Variants in SPAG16 observed in about 807,000 individuals in gnomAD.
SPAG16 encodes the protein sperm-associated antigen 16 protein.
Under a neutral mutation model 80.4 loss-of-function variants are expected in SPAG16, and 86 were observed. The observed-to-expected ratio is 1.07, with a 90% CI of 0.90 to 1.28. The LOEUF is 1.28. SPAG16 is among the 50% of genes most tolerant of loss of function. The pLI, the probability that SPAG16 is intolerant of heterozygous loss-of-function variation, is 0.00. For synonymous variants in SPAG16, 294 were observed against 265.9 expected, an observed-to-expected ratio of 1.11 and a Z score of -1.03; for missense variants, 870 against 765.3, an observed-to-expected ratio of 1.14 and a Z score of -1.61.
intron 4 of SPAG16, among the ~76,000 whole-genome samples, chr2:213,314,868 C>A (rs1023963145): frequency 6.6e-6 from 1 of 151,744 alleles, no homozygotes; most frequent in Non-Finnish European, 1.5e-5. Context: ...ATTTATGATT[C>A]AATTGATACC....
At chr2:213,368,130 C>T (rs2066418994) in intron 8 of SPAG16, among the ~76,000 whole-genome samples, 1 of 151,996 alleles carries the variant, frequency 6.6e-6, no homozygotes, top group Non-Finnish European at 1.5e-5. Flanking sequence ...GGGCTCTGTT[C>T]TGTTCCATTG....
intron 7 of SPAG16, among the ~76,000 whole-genome samples, chr2:213,359,238 C>T (rs1026592792): frequency 1.3e-5 from 2 of 152,174 alleles, no homozygotes; most frequent in African/African-American, 4.8e-5. Flanking sequence ...GATCAGGGAC[C>T]CACTTGAGGA....
intron 13 of SPAG16, among the ~76,000 whole-genome samples, chr2:214,086,864 A>G (rs2051802309): frequency 6.6e-6 from 1 of 152,182 alleles, no homozygotes; most frequent in African/African-American, 2.4e-5. Context: ...ATGAGAAAAA[A>G]TAAAGTTACT....
At chr2:213,584,449 A>C (rs2060396725) in intron 10 of SPAG16, among the ~76,000 whole-genome samples, 1 of 152,168 alleles carries the variant, frequency 6.6e-6, no homozygotes, top group African/African-American at 2.4e-5. Context: ...GTATTGTTCT[A>C]ATATATAGTA....
At chr2:213,725,516 A>C in intron 10 of SPAG16, among the ~76,000 whole-genome samples, 1 of 152,174 alleles carries the variant, frequency 6.6e-6, no homozygotes, top group Non-Finnish European at 1.5e-5. Flanking sequence ...CAGAATTCCA[A>C]CAAAGGACTT....
chr2:213,680,383 T>C (rs2064318538), intron 10 of SPAG16, among the ~76,000 whole-genome samples: 1 of 151,446 alleles, frequency 6.6e-6, no homozygotes, highest in South Asian at 2.1e-4. Context: ...CAACTCAAAA[T>C]GACTCCTGTG....
At chr2:213,606,039 T>C (rs2061249173) in intron 10 of SPAG16, among the ~76,000 whole-genome samples, 1 of 152,202 alleles carries the variant, frequency 6.6e-6, no homozygotes, top group African/African-American at 2.4e-5. Flanking sequence ...TTATTAAGAC[T>C]TTATTAACCT....
chr2:214,252,147 T>G (rs1690335968), intron 15 of SPAG16, among the ~76,000 whole-genome samples: 1 of 152,092 alleles, frequency 6.6e-6, no homozygotes, highest in Non-Finnish European at 1.5e-5. Context: ...TTCTTTGAAA[T>G]TTTTGGAACC....
rs1158448761 is a variant in SPAG16, at chr2:213,427,280, A to G, written c.942+52161A>G. Among the ~76,000 whole-genome samples the G allele has an allele frequency of 2.0e-5, 3 of 152,146 alleles. No individual in the cohort carries two copies. In the East Asian group the frequency reaches 5.8e-4, roughly 29 times the overall value. ...ACTTTAACTTTCTCCAAAACATACT[A>G]TTTGTTTTAGATAATTTGCATTAGT... is the stretch of plus-strand genomic sequence containing the variant. On this transcript the variant is annotated intron_variant, in intron 9 of 15. Coordinates refer to ENST00000331683, the MANE Select transcript of SPAG16 (RefSeq NM_024532.5).
intron 10 of SPAG16, among the ~76,000 whole-genome samples, chr2:213,594,858 A>C (rs2060833609): frequency 6.6e-6 from 1 of 152,136 alleles, no homozygotes; most frequent in South Asian, 2.1e-4. Flanking sequence ...CAATGTTTCA[A>C]AGTACATTTT....
At chr2:214,226,988 T>A (rs2058711941) in intron 15 of SPAG16, among the ~76,000 whole-genome samples, 1 of 152,098 alleles carries the variant, frequency 6.6e-6, no homozygotes, top group Admixed American at 6.6e-5. Flanking sequence ...GATTAAAATA[T>A]TAAGGATGTC....
chr2:213,788,730 GC>G (rs1320224911), intron 10 of SPAG16, among the ~76,000 whole-genome samples: 2 of 151,776 alleles, frequency 1.3e-5, no homozygotes, highest in African/African-American at 4.8e-5. Flanking sequence ...TTCAAATATT[GC>G]CTAGAATATA....
chr2:213,799,093 A>C (rs2071218604), intron 10 of SPAG16, among the ~76,000 whole-genome samples: 1 of 152,140 alleles, frequency 6.6e-6, no homozygotes, highest in Non-Finnish European at 1.5e-5. Context: ...TCAGCTTGTA[A>C]GTTTTTGCAA....
intron 11 of SPAG16, among the ~76,000 whole-genome samples, chr2:213,916,088 C>A (rs568550753): frequency 1.3e-5 from 2 of 152,248 alleles, no homozygotes; most frequent in East Asian, 1.9e-4. Context: ...ATGATAGTTT[C>A]TTTTGTTGTG....
intron 6 of SPAG16, among the ~76,000 whole-genome samples, chr2:213,345,835 T>C (rs2064948649): frequency 6.6e-6 from 1 of 152,330 alleles, no homozygotes; most frequent in African/African-American, 2.4e-5. Context: ...GCTTTGTTCT[T>C]TTTGCTTAGG....
intron 15 of SPAG16, among the ~76,000 whole-genome samples, chr2:214,190,697 C>A (rs1490567273): frequency 1.3e-5 from 2 of 152,010 alleles, no homozygotes; most frequent in Admixed American, 6.6e-5. Flanking sequence ...GTGGGGGCCC[C>A]ATGATGGCAT....
At chr2:213,627,672 T>A (rs2062007577) in intron 10 of SPAG16, among the ~76,000 whole-genome samples, 1 of 152,192 alleles carries the variant, frequency 6.6e-6, no homozygotes, top group South Asian at 2.1e-4. Flanking sequence ...ACTCAACAAT[T>A]GACTGTTGAA....
intron 13 of SPAG16, among the ~76,000 whole-genome samples, chr2:214,078,268 C>A (rs1273092670): frequency 6.6e-6 from 1 of 152,028 alleles, no homozygotes; most frequent in Non-Finnish European, 1.5e-5. Flanking sequence ...AAGAATTATT[C>A]TAGGCCAGGT....
intron 15 of SPAG16, among the ~76,000 whole-genome samples, chr2:214,154,253 A>G (rs550211611): frequency 1.3e-5 from 2 of 152,274 alleles, no homozygotes; most frequent in East Asian, 1.9e-4. Context: ...TAGTTTAGCA[A>G]TATTTTTCTC....
Sources: allele counts gnomAD v4.1 joint callset (sites outside exome capture counted in the v4.1 genomes callset), GRCh38; gene constraint gnomAD v4.1.1; transcripts MANE v1.5; gene names NCBI Gene and HGNC (gene_info 2026-07-23, HGNC 2026-07-21).